Variants in SORL1 observed in about 807,000 individuals in gnomAD.
SORL1 encodes sortilin-related receptor.
Under a neutral mutation model 273.7 loss-of-function variants are expected in SORL1, and 127 were observed. That is an observed-to-expected ratio of 0.46 (90% confidence interval 0.40 to 0.54). The LOEUF (loss-of-function observed/expected upper bound fraction) is 0.54. Among genes scored for constraint, SORL1 ranks in the 20% least tolerant of loss-of-function variants. The pLI is 0.00. For synonymous variants in SORL1, 1,031 were observed against 1,067.4 expected (o/e 0.97, Z 0.66); for missense variants, 2,494 against 2,846.1 (o/e 0.88, Z 2.81).
intron 29 of SORL1, 116 bp from the exon 30 acceptor site, chr11:121,589,923 TG>T: frequency 8.2e-7 from 1 of 1,221,920 alleles, no homozygotes; most frequent in Non-Finnish European, 1.2e-6. Flanking sequence ...TATCTCTTTA[TG>T]GGTGGGAAGT....
Position 121,580,073 on chromosome 11 carries a change from C to A in SORL1, c.3580+2673C>A, listed in dbSNP as rs1546323. 2.6e-5 allele frequency among the ~76,000 whole-genome samples: 4 copies of A among 152,216 alleles called. No homozygotes were observed. The East Asian group carries it at 5.8e-4, about 22-fold the overall frequency. On this transcript the variant is annotated intron_variant, in intron 25 of 47. Coordinates refer to ENST00000260197, the MANE Select transcript of SORL1 (RefSeq NM_003105.6). ...CAGACACTCTTTTCTTTCTAATTAC[C>A]TTTAGGTTATATTGCTCTTAGTTTT... is the stretch of plus-strand genomic sequence containing the variant.
chr11:121,548,710 G>A (rs1862467394), intron 14 of SORL1, among the ~76,000 whole-genome samples: 4 of 152,090 alleles, frequency 2.6e-5, no homozygotes. Flanking sequence ...GGGATTACAG[G>A]TGCGTGCCAC....
At chr11:121,525,978 T>TG (rs1862115528) in intron 11 of SORL1, among the ~76,000 whole-genome samples, 1 of 152,162 alleles carries the variant, frequency 6.6e-6, no homozygotes, top group Non-Finnish European at 1.5e-5. Flanking sequence ...TAGTGAGCTG[T>TG]GATTGTGCTG....
intron 21 of SORL1, among the ~76,000 whole-genome samples, chr11:121,566,277 A>G (rs547656018): frequency 1.3e-5 from 2 of 152,174 alleles, no homozygotes; most frequent in African/African-American, 2.4e-5. Flanking sequence ...AAAAAAAATT[A>G]TTCGGAATTT....
intron 6 of SORL1, among the ~76,000 whole-genome samples, chr11:121,504,140 G>A (rs942260827): frequency 3.1e-4 from 47 of 152,238 alleles, no homozygotes; most frequent in African/African-American, 8.9e-4. Context: ...CTGGCTGGGC[G>A]CGGTGGCTCA....
intron 42 of SORL1, 149 bp downstream of exon 42, chr11:121,619,042 CA>C: frequency 3.7e-6 from 3 of 804,658 alleles, no homozygotes; most frequent in East Asian, 5.1e-5. Flanking sequence ...TAAGCATCAT[CA>C]GGTTCTTGCT....
chr11:121,475,892 T>C (rs512892), intron 2 of SORL1, among the ~76,000 whole-genome samples: 151,044 of 152,360 alleles, frequency 0.99, 74,890 homozygotes, highest in Middle Eastern at 1. Context: ...CATTTGTTTA[T>C]TTGCTCTTTG....
intron 5 of SORL1, among the ~76,000 whole-genome samples, chr11:121,494,135 G>A (rs1157845582): frequency 6.6e-6 from 1 of 152,140 alleles, no homozygotes; most frequent in African/African-American, 2.4e-5. Flanking sequence ...AGAATTACTA[G>A]ATAAGGGAAC....
chr11:121,510,949 A>G (rs963650119), intron 6 of SORL1, among the ~76,000 whole-genome samples: 2 of 152,164 alleles, frequency 1.3e-5, no homozygotes, highest in African/African-American at 2.4e-5. Flanking sequence ...TTGCTTTTTA[A>G]TAATAGTGAT....
At chr11:121,496,588 T>G (rs1274847776) in intron 5 of SORL1, among the ~76,000 whole-genome samples, 1 of 152,246 alleles carries the variant, frequency 6.6e-6, no homozygotes, top group Non-Finnish European at 1.5e-5. Flanking sequence ...ACATTTTATC[T>G]TGTACTACTA....
Position 121,622,168 on chromosome 11 carries a change from T to C in SORL1, c.6071T>C (p.Leu2024Ser), listed in dbSNP as rs1255843710. ...DSSIKITTVS[L>S]SAPDALKIIT... ...TCTCATCTTTAATTTTCAGTTTCAT[T>C]ATCAGCACCTGATGCCTTAAAAATC... is the stretch of plus-strand genomic sequence containing the variant. Residue 2024 changes from leucine (L) to serine (S), a missense_variant, in exon 45 of 48, where the codon TTA becomes TCA. By Grantham distance (145) the Leu-to-Ser change is moderately radical. Coordinates refer to ENST00000260197, the MANE Select transcript of SORL1 (RefSeq NM_003105.6). 2 of 1,591,612 alleles carry C rather than the reference T, an allele frequency of 1.3e-6. No homozygotes were observed. The highest frequency in any genetic ancestry group is 8.6e-7 in the Non-Finnish European group (1 of 1,162,044).
intron 5 of SORL1, among the ~76,000 whole-genome samples, chr11:121,491,758 T>C (rs1040546617): frequency 1.3e-5 from 2 of 152,224 alleles, no homozygotes; most frequent in Non-Finnish European, 2.9e-5. Context: ...AACTAGTCTT[T>C]CTGCGTTTAC....
rs1020020449 is a variant in SORL1, at chr11:121,583,731, G to A, written c.3706+148G>A. On this transcript the variant is annotated intron_variant, in intron 26 of 47. Transcript: ENST00000260197. ...CCAAATAAGCCCATCTACTTTCTAT[G>A]TTATATTGCCATATGATGTATCAGA... is the stretch of plus-strand genomic sequence containing the variant. The A allele has an allele frequency of 7.1e-5, 56 of 789,788 alleles. No homozygotes were observed. In the Admixed American group the frequency reaches 9.3e-4, roughly 13 times the overall value. 48.9% of individuals were successfully genotyped at this position (789,788 alleles called of 1,614,324 possible). A position where few individuals can be genotyped will look rare whatever the true frequency, so the allele number is the denominator to read the frequency against.
chr11:121,573,926 C>T (rs936374602), intron 23 of SORL1, among the ~76,000 whole-genome samples: 1 of 152,170 alleles, frequency 6.6e-6, no homozygotes, highest in African/African-American at 2.4e-5. Flanking sequence ...TAGGAAGACA[C>T]TTTTCGCGTC....
In SORL1 at chr11:121,591,133, AC is replaced by A; in HGVS notation, c.4347del (p.Asp1449GlufsTer64). On this transcript the variant is annotated frameshift_variant, in exon 31 of 48. Transcript: ENST00000260197. LOFTEE classifies it high-confidence loss of function. ...DGYRDCADGS[D>X]EEACPLLANV... ...TACCGAGATTGTGCAGATGGCTCTGACGAGGAAGCCTGCCCCTTGCTTGGTG... is the reference window on the plus strand; with the variant it reads ...TACCGAGATTGTGCAGATGGCTCTGAGAGGAAGCCTGCCCCTTGCTTGGTG... 1 of 1,614,054 alleles carries A rather than the reference AC, an allele frequency of 6.2e-7. No homozygotes were observed. Among genetic ancestry groups the A allele is most frequent in the Non-Finnish European group, 8.5e-7 (1 of 1,180,012 alleles).
intron 13 of SORL1, among the ~76,000 whole-genome samples, chr11:121,544,045 A>T (rs1591319712): frequency 6.6e-6 from 1 of 152,236 alleles, no homozygotes; most frequent in East Asian, 1.9e-4. Context: ...TGCCAATTGG[A>T]CGTATTCAGT....
Position 121,452,609 on chromosome 11 carries a change from A to T in SORL1, c.278A>T (p.Tyr93Phe). 1 of 1,502,832 alleles carries T rather than the reference A, an allele frequency of 6.7e-7. No individual in the cohort carries two copies. The highest frequency in any genetic ancestry group is 8.8e-7 in the Non-Finnish European group (1 of 1,132,148). The allele number at this position is 1,502,832 out of a possible 1,614,324, so 93.1% of individuals were successfully genotyped here. The change falls in exon 1 of 48, where the codon TAC (tyrosine) becomes TTC (phenylalanine). Residue 93 changes from tyrosine (Y) to phenylalanine (F), a missense_variant. Tyr to Phe is a conservative substitution (Grantham distance 22, BLOSUM62 3). This residue lies in a region of SORL1 where 175 missense variants were observed against 147.1 expected (regional missense o/e 1.19). Transcript: ENST00000260197. The surrounding 1 kb of genome is among the most constrained non-coding windows in gnomAD (Gnocchi z 5.3). The part of the protein sequence containing the change: ...AALQPEPIKV[Y>F]GQVSLNDSHN... ...CTGCAGCCCGAGCCCATCAAGGTGT[A>T]CGGACAGGTGAGCAGTTTTGCAACC...
In SORL1 at chr11:121,625,476, G is replaced by A. The variant is rs540172674; in HGVS notation, c.6364+199G>A. Among the ~76,000 whole-genome samples the A allele has an allele frequency of 2.0e-5, 3 of 152,298 alleles. No individual in the cohort carries two copies. In the East Asian group the frequency reaches 5.8e-4, roughly 29 times the overall value. On this transcript the variant is annotated intron_variant, in intron 46 of 47. Coordinates refer to ENST00000260197, the MANE Select transcript of SORL1 (RefSeq NM_003105.6). Reference sequence around the variant, plus strand: ...TGAGCTGAACATGGTACAGGAAGCTGAGATTACAGGGGGACCGGATTCTGA... The same window carrying A: ...TGAGCTGAACATGGTACAGGAAGCTAAGATTACAGGGGGACCGGATTCTGA...
intron 8 of SORL1, among the ~76,000 whole-genome samples, chr11:121,517,181 C>A (rs1377303215): frequency 6.6e-6 from 1 of 152,216 alleles, no homozygotes; most frequent in Non-Finnish European, 1.5e-5. Context: ...AATTTCATGG[C>A]CTTCTCATTT....
Sources: allele counts gnomAD v4.1 joint callset (sites outside exome capture counted in the v4.1 genomes callset), GRCh38; gene constraint gnomAD v4.1.1; regional missense constraint gnomAD v4.1.1; non-coding constraint Gnocchi (gnomAD v3.1); transcripts MANE v1.5; gene names NCBI Gene and HGNC (gene_info 2026-07-23, HGNC 2026-07-21).